Variants in EGFLAM observed in about 807,000 individuals in gnomAD.
EGFLAM encodes pikachurin.
Under a neutral mutation model 113.1 loss-of-function variants are expected in EGFLAM, and 79 were observed. The observed-to-expected ratio is 0.70, with a 90% confidence interval of 0.58 to 0.84. The LOEUF is 0.84. Among genes scored for constraint, EGFLAM ranks in the 40% least tolerant of loss-of-function variants. EGFLAM has a pLI of 0.00. For synonymous variants in EGFLAM, 504 were observed against 487.6 expected, an observed-to-expected ratio of 1.03 and a Z score of -0.44; for missense variants, 1,265 against 1,291.6, an observed-to-expected ratio of 0.98 and a Z score of 0.32.
intron 1 of EGFLAM, among the ~76,000 whole-genome samples, chr5:38,266,586 A>T (rs1002477721): frequency 3.9e-5 from 6 of 152,196 alleles, no homozygotes; most frequent in African/African-American, 1.4e-4. Flanking sequence ...TCTTTTCTAT[A>T]GGTATTAAGG....
intron 3 of EGFLAM, among the ~76,000 whole-genome samples, chr5:38,340,880 C>T (rs1236041165): frequency 6.7e-6 from 1 of 149,268 alleles, no homozygotes; most frequent in Non-Finnish European, 1.5e-5. Flanking sequence ...GGGAGAGTTG[C>T]AGAATAAAGA....
intron 6 of EGFLAM, among the ~76,000 whole-genome samples, chr5:38,385,656 A>T (rs6875441): frequency 0.19 from 28,235 of 151,996 alleles, 3,272 homozygotes; most frequent in African/African-American, 0.32. Context: ...TGTCACAGAC[A>T]CTCACAGTAC....
chr5:38,381,523 G>C (rs1248484630), intron 6 of EGFLAM, among the ~76,000 whole-genome samples: 1 of 152,160 alleles, frequency 6.6e-6, no homozygotes, highest in Non-Finnish European at 1.5e-5. Flanking sequence ...CTCCTGGCAC[G>C]AAATAGAGGC....
intron 6 of EGFLAM, among the ~76,000 whole-genome samples, chr5:38,385,388 G>A (rs1007021538): frequency 2.7e-5 from 4 of 149,318 alleles, no homozygotes; most frequent in Non-Finnish European, 5.9e-5. Flanking sequence ...ACACTCTCCT[G>A]TATCCTTTAA....
intron 3 of EGFLAM, chr5:38,345,253 G>C (rs1739445883): frequency 6.6e-6 from 1 of 152,198 alleles, no homozygotes. Flanking sequence ...ACCTCTTAGA[G>C]TTGTTGTGAA....
At chr5:38,375,619 G>T (rs1407910546) in intron 6 of EGFLAM, among the ~76,000 whole-genome samples, 1 of 152,188 alleles carries the variant, frequency 6.6e-6, no homozygotes, top group African/African-American at 2.4e-5. Flanking sequence ...ACTTCCCACT[G>T]GGCCTATTAA....
At chr5:38,283,879 C>T (rs373529064) in intron 1 of EGFLAM, 3 of 152,250 alleles carry the variant, frequency 2.0e-5, no homozygotes, top group African/African-American at 7.2e-5. Flanking sequence ...AAGGAATGAC[C>T]TGTGGAGAGG....
intron 4 of EGFLAM, among the ~76,000 whole-genome samples, chr5:38,351,112 T>C (rs898466953): frequency 1.3e-5 from 2 of 149,426 alleles, no homozygotes; most frequent in Non-Finnish European, 3.0e-5. Context: ...AGCACTTCTT[T>C]TTTTTTTTTT....
chr5:38,332,706 T>A (rs981623516), intron 1 of EGFLAM, among the ~76,000 whole-genome samples: 1 of 152,138 alleles, frequency 6.6e-6, no homozygotes, highest in African/African-American at 2.4e-5. Flanking sequence ...TGGGCCAAAA[T>A]AAAGGGATGG....
chr5:38,427,176 G>A lies in EGFLAM; in HGVS notation c.1978G>A (p.Asp660Asn). ...GTACAGCTATGACACAGGCAGCAAA[G>A]ACTTCCTGTCCATCAACTTGGCAGG... ...LLYSYDTGSK[D>N]FLSINLAGGH... is the part of the protein sequence containing the mutation. The change falls in exon 14 of 22, where the codon GAC becomes AAC. Residue 660 changes from aspartate to asparagine, a missense_variant. By Grantham distance (23) the Asp-to-Asn change is conservative. Transcript: ENST00000322350. 6.2e-7 allele frequency: 1 copy of A among 1,614,176 alleles called. No individual in the cohort carries two copies. The highest frequency in any genetic ancestry group is 8.5e-7 in the Non-Finnish European group (1 of 1,180,042).
chr5:38,311,108 A>G (rs1232887564), intron 1 of EGFLAM, among the ~76,000 whole-genome samples: 1 of 152,188 alleles, frequency 6.6e-6, no homozygotes, highest in Non-Finnish European at 1.5e-5. Flanking sequence ...GACAAAGATT[A>G]TATTTATTTA....
intron 4 of EGFLAM, 79 bp downstream of exon 4, chr5:38,350,697 T>A (rs568002701): frequency 1.3e-4 from 179 of 1,342,436 alleles, no homozygotes; most frequent in Admixed American, 7.6e-4. Context: ...CAATAGGGAC[T>A]TACTATGTGC....
intron 1 of EGFLAM, among the ~76,000 whole-genome samples, chr5:38,328,228 G>A (rs1017279376): frequency 6.6e-6 from 1 of 152,156 alleles, no homozygotes; most frequent in Non-Finnish European, 1.5e-5. Context: ...AACACAGGGG[G>A]AAGTGCCTTA....
intron 6 of EGFLAM, among the ~76,000 whole-genome samples, chr5:38,383,088 C>A (rs1289170493): frequency 2.0e-5 from 3 of 152,166 alleles, no homozygotes; most frequent in Non-Finnish European, 4.4e-5. Context: ...AAGTGGTTGA[C>A]CTTGAGAGCA....
rs1193392739 is a variant in EGFLAM at position 38,464,114 on chromosome 5, A to T, written c.*128A>T. 2.4e-6 allele frequency: 3 copies of T among 1,262,924 alleles called. No homozygotes were observed. Among genetic ancestry groups the T allele is most frequent in the Non-Finnish European group, 3.2e-6 (3 of 927,612 alleles). 78.2% of individuals were successfully genotyped at this position (1,262,924 alleles called of 1,614,324 possible). A position where few individuals can be genotyped will look rare whatever the true frequency, so the allele number is the denominator to read the frequency against. On this transcript the variant is annotated 3_prime_UTR_variant, in exon 22 of 22. Transcript: ENST00000322350. ...TGTTTCCTCTCACCAAGAAGAAAGTACACACTGATGAGAAACTGAGAACCA... is the reference window on the plus strand; with the variant it reads ...TGTTTCCTCTCACCAAGAAGAAAGTTCACACTGATGAGAAACTGAGAACCA...
At chr5:38,259,842 A>G (rs1032424544) in intron 1 of EGFLAM, among the ~76,000 whole-genome samples, 1 of 152,254 alleles carries the variant, frequency 6.6e-6, no homozygotes, top group Non-Finnish European at 1.5e-5. Flanking sequence ...TCTGTAAGAA[A>G]GAGGCAAAGC....
intron 10 of EGFLAM, 138 bp downstream of exon 10, chr5:38,409,242 C>T: frequency 1.4e-6 from 1 of 724,232 alleles, no homozygotes; most frequent in Non-Finnish European, 2.2e-6. Flanking sequence ...TGAGTATGAA[C>T]CAGTTTACCA....
intron 1 of EGFLAM, among the ~76,000 whole-genome samples, chr5:38,297,475 A>G (rs1758475356): frequency 6.6e-6 from 1 of 152,194 alleles, no homozygotes; most frequent in South Asian, 2.1e-4. Context: ...CTTGGCAATG[A>G]ATTTCAAATC....
chr5:38,312,532 G>A (rs6451382), intron 1 of EGFLAM, among the ~76,000 whole-genome samples: 8,743 of 152,064 alleles, frequency 0.057, 837 homozygotes, highest in African/African-American at 0.2. Context: ...GAGCCACCGC[G>A]CCTGGCCACC....
Sources: allele counts gnomAD v4.1 joint callset (sites outside exome capture counted in the v4.1 genomes callset), GRCh38; gene constraint gnomAD v4.1.1; transcripts MANE v1.5; gene names NCBI Gene and HGNC (gene_info 2026-07-23, HGNC 2026-07-21).